PSG8: variants seen among roughly 807,000 people sequenced by gnomAD.
PSG8 encodes pregnancy specific beta-1-glycoprotein 8.
PSG8 carries 57 observed loss-of-function variants against 42.5 expected under a neutral mutation model. The observed-to-expected ratio is 1.34, with a 90% confidence interval of 1.08 to 1.67. The LOEUF is 1.67. Among genes scored for constraint, PSG8 ranks in the 40% most tolerant of loss-of-function variants. The probability of loss-of-function intolerance (pLI) is 0.00; values close to 1 mark genes in which losing one functional copy is unlikely to be tolerated. For synonymous variants in PSG8, 280 were observed against 196.8 expected (o/e 1.42, Z -3.54); for missense variants, 783 against 518.6 (o/e 1.51, Z -4.95).
downstream of PSG8, chr19:42,753,355 A>G (rs750531585): frequency 2.6e-6 from 2 of 780,544 alleles, no homozygotes; most frequent in Non-Finnish European, 4.8e-6. Flanking sequence ...AGGAACTAGT[A>G]GAATTCAGGG....
At position 42,755,700 on chromosome 19, in the gene PSG8, A is replaced by G. The variant is rs143413107; in HGVS notation, c.710-434T>C. ...CAGCTTCCATTTCCAAGGACATTCT[A>G]GAGATGAGTAATGATGGGACTACCC... On this transcript the variant is annotated intron_variant, in intron 3 of 4. Transcript: ENST00000306511. 1.2e-3 allele frequency: 285 copies of G among 229,488 alleles called. 3 individuals are homozygous for G. The highest frequency in any genetic ancestry group is 5.8e-3 in the African/African-American group (262 of 45,094). 14.2% of individuals were successfully genotyped at this position (229,488 alleles called of 1,614,324 possible). A position where few individuals can be genotyped will look rare whatever the true frequency, so the allele number is the denominator to read the frequency against.
downstream of PSG8, chr19:42,752,799 G>A: frequency 5.6e-6 from 1 of 179,472 alleles, no homozygotes; most frequent in Non-Finnish European, 1.2e-5. Context: ...GCATTTAAAG[G>A]GGACTCTATT....
At chr19:42,757,020 CT>C (rs1208763110) in intron 3 of PSG8, among the ~76,000 whole-genome samples, 2 of 151,948 alleles carry the variant, frequency 1.3e-5, no homozygotes, top group Non-Finnish European at 2.9e-5. Context: ...TTTCAGCAAT[CT>C]TTTGTAGTTT....
At chr19:42,759,509 T>C (rs1568377803) in intron 2 of PSG8, among the ~76,000 whole-genome samples, 1 of 152,188 alleles carries the variant, frequency 6.6e-6, no homozygotes, top group Non-Finnish European at 1.5e-5. Context: ...TTGCAGTACA[T>C]GTACTGGTTT....
intron 2 of PSG8, among the ~76,000 whole-genome samples, chr19:42,759,990 A>C: frequency 6.6e-6 from 1 of 152,182 alleles, no homozygotes; most frequent in East Asian, 1.9e-4. Flanking sequence ...GGGAGGAATG[A>C]TGCCAAATTA....
In PSG8 at chr19:42,764,384, A is replaced by C. The variant is rs567297109; in HGVS notation, c.65-103T>G. Reference sequence around the variant, plus strand: ...AGTTCTCTTCAGTCCTCAGCCTTGAAGACACAGACACACACACATACAAAC... The same window carrying C: ...AGTTCTCTTCAGTCCTCAGCCTTGACGACACAGACACACACACATACAAAC... On this transcript the variant is annotated intron_variant, in intron 1 of 4. Transcript: ENST00000306511. 2.9e-5 allele frequency: 43 copies of C among 1,495,870 alleles called. 1 individual carries two copies. The Admixed American group carries it at 8.1e-4, about 28-fold the overall frequency. The allele number at this position is 1,495,870 out of a possible 1,614,324, so 92.7% of individuals were successfully genotyped here. A position where few individuals can be genotyped will look rare whatever the true frequency, so the allele number is the denominator to read the frequency against.
intron 2 of PSG8, among the ~76,000 whole-genome samples, chr19:42,759,979 A>T (rs571475768): frequency 4.9e-4 from 74 of 152,312 alleles, no homozygotes; most frequent in African/African-American, 1.7e-3. Flanking sequence ...AATTACATAA[A>T]GGGAGGAATG....
rs769075478 is a variant in PSG8, at chr19:42,755,232, G to C, written c.744C>G (p.Asn248Lys). 3 of 1,612,158 alleles carry C rather than the reference G, an allele frequency of 1.9e-6. No individual in the cohort carries two copies. Among genetic ancestry groups the C allele is most frequent in the East Asian group, 4.5e-5 (2 of 44,874 alleles). ...KLPKPYITINNLKPRENKDVL... is the reference protein window; with the variant it reads ...KLPKPYITINKLKPRENKDVL... Reference sequence around the variant, plus strand: ...CATCCTTATTCTCCCTGGGTTTTAAGTTGTTGATGGTGATGTAGGGCTTGG... The same window carrying C: ...CATCCTTATTCTCCCTGGGTTTTAACTTGTTGATGGTGATGTAGGGCTTGG... The change falls in exon 4 of 5, where the codon AAC becomes AAG. Residue 248 changes from asparagine to lysine, a missense_variant. Transcript: ENST00000306511.
chr19:42,764,208 A>G lies in PSG8; in HGVS notation c.138T>C (p.Ser46=), dbSNP rs778209745. 34 of 1,613,694 alleles carry G rather than the reference A, an allele frequency of 2.1e-5. No homozygotes were observed. The highest frequency in any genetic ancestry group is 8.0e-5 in the African/African-American group (6 of 74,860). Residue 46 remains serine (S), a synonymous_variant, in exon 2 of 5, where the codon TCT becomes TCC. Coordinates refer to ENST00000306511, the MANE Select transcript of PSG8 (RefSeq NM_182707.3). ...VTIEAQPTKV[S]EGKDVLLLVH... ...CAAGTAGAAGAACATCCTTCCCCTC[A>G]GAAACTTTGGTTGGCTGGGCTTCAA...
rs759738109 is a variant in PSG8, at chr19:42,758,043, A to C, written c.668T>G (p.Val223Gly). ...GPYECEIRNP[V>G]SASRSDPFTL... ...GAATGGGTCACTGCGGCTGGCACTC[A>C]CTGGGTTCCGTATTTCACATTCATA... Residue 223 changes from valine to glycine, a missense_variant, in exon 3 of 5, where the codon GTG becomes GGG. Coordinates refer to ENST00000306511, the MANE Select transcript of PSG8 (RefSeq NM_182707.3). The C allele has an allele frequency of 5.0e-6, 8 of 1,613,994 alleles. No homozygotes were observed. In the African/African-American group the frequency reaches 5.3e-5, roughly 11 times the overall value.
Position 42,758,020 on chromosome 19 carries a change from A to G in PSG8, c.691T>C (p.Phe231Leu). The G allele has an allele frequency of 6.2e-7, 1 of 1,613,980 alleles. No individual in the cohort carries two copies. The highest frequency in any genetic ancestry group is 8.5e-7 in the Non-Finnish European group (1 of 1,179,916). ...NPVSASRSDP[F>L]TLNLLPKLPK... ...TACTCACGGAGGAGATTCAGGGTGA[A>G]TGGGTCACTGCGGCTGGCACTCACT... The change falls in exon 3 of 5, where the codon TTC (phenylalanine) becomes CTC (leucine). Residue 231 changes from phenylalanine (F) to leucine (L), a missense_variant. Physicochemically the swap from Phe to Leu is conservative, Grantham distance 22. Transcript: ENST00000306511.
chr19:42,758,326 T>G, intron 2 of PSG8, 46 bp from the exon 3 acceptor site: 1 of 1,591,978 alleles, frequency 6.3e-7, no homozygotes, highest in Non-Finnish European at 8.6e-7. Context: ...GCACCTTTGA[T>G]TCCTCCAAAG....
At chr19:42,765,382 G>C in intron 1 of PSG8, 136 bp downstream of exon 1, 1 of 1,383,302 alleles carries the variant, frequency 7.2e-7, no homozygotes, top group Non-Finnish European at 9.9e-7. Context: ...TTGAACTCCT[G>C]ATCTCATGAT....
At chr19:42,758,962 A>AG (rs1324283534) in intron 2 of PSG8, 1 of 154,072 alleles carries the variant, frequency 6.5e-6, no homozygotes, top group Non-Finnish European at 1.4e-5. Context: ...TGAAGGGGAC[A>AG]GGCAAGAACT....
At chr19:42,759,501 G>T (rs1201576381) in intron 2 of PSG8, among the ~76,000 whole-genome samples, 1 of 152,084 alleles carries the variant, frequency 6.6e-6, no homozygotes, top group Non-Finnish European at 1.5e-5. Flanking sequence ...TGGAATATTT[G>T]CAGTACATGT....
chr19:42,763,984 G>T lies in PSG8; in HGVS notation c.362C>A (p.Thr121Asn), dbSNP rs753108890. 1.5e-5 allele frequency: 24 copies of T among 1,611,686 alleles called. No homozygotes were observed. Among genetic ancestry groups the T allele is most frequent in the Non-Finnish European group, 1.8e-5 (21 of 1,179,556 alleles). The change falls in exon 2 of 5, where the codon ACC (threonine) becomes AAC (asparagine). Residue 121 changes from threonine (T) to asparagine (N), a missense_variant. Thr to Asn is a moderately conservative substitution (Grantham distance 65). Coordinates refer to ENST00000306511, the MANE Select transcript of PSG8 (RefSeq NM_182707.3). The part of the protein sequence containing the change: ...NVTQEDAGSY[T>N]LHIIMGGDEN... ...ATCACCTCCCATTATGATGTGTAAG[G>T]TGTAGGATCCTGCGTCTTCCTGGGT...
Position 42,764,238 on chromosome 19 carries a change from G to C in PSG8, c.108C>G (p.Val36=). Residue 36 remains valine (V), a synonymous_variant, in exon 2 of 5, where the codon GTC becomes GTG. Transcript: ENST00000306511. The part of the protein sequence containing the change: ...NFWNPPTTAQ[V]TIEAQPTKVS... Reference sequence around the variant, plus strand: ...CTTTGGTTGGCTGGGCTTCAATCGTGACTTGGGCAGTCGTGGGTGGGTTCC... The same window carrying C: ...CTTTGGTTGGCTGGGCTTCAATCGTCACTTGGGCAGTCGTGGGTGGGTTCC... 1 of 1,613,740 alleles carries C rather than the reference G, an allele frequency of 6.2e-7. No homozygotes were observed. The highest frequency in any genetic ancestry group is 8.5e-7 in the Non-Finnish European group (1 of 1,179,812).
At chr19:42,753,249 T>C (rs1038153030), downstream of PSG8, 104 of 778,368 alleles carry the variant, frequency 1.3e-4, 1 homozygote, top group Non-Finnish European at 2.2e-4. Flanking sequence ...GGTTTTCCCA[T>C]GAAATTTACA....
At chr19:42,765,245 T>TA (rs1970187352) in intron 1 of PSG8, among the ~76,000 whole-genome samples, 1 of 151,700 alleles carries the variant, frequency 6.6e-6, no homozygotes, top group Admixed American at 6.6e-5. Flanking sequence ...TTCTGCCTCC[T>TA]GGGTTCACGT....
Sources: gnomAD v4.1 joint callset for allele counts (sites outside exome capture counted in the v4.1 genomes callset) on GRCh38, gnomAD v4.1.1 for gene constraint, MANE v1.5 for transcripts, NCBI Gene and HGNC (gene_info 2026-07-23, HGNC 2026-07-21) for gene names.